ZNF469: variants seen among roughly 807,000 people sequenced by gnomAD.
The protein encoded by ZNF469 is zinc finger protein 469.
Under a neutral mutation model 1.0 loss-of-function variants are expected in ZNF469, and 1 was observed. The observed-to-expected ratio is 1.00, with a 90% confidence interval of 0.35 to 4.73. ZNF469 has a LOEUF of 4.73. Among genes scored for constraint, ZNF469 ranks in the 30% most tolerant of loss-of-function variants. The probability of loss-of-function intolerance (pLI) is 0.16; values close to 1 mark genes in which losing one functional copy is unlikely to be tolerated. For synonymous variants in ZNF469, 2,703 were observed against 2,363.4 expected, an observed-to-expected ratio of 1.14 and a Z score of -4.17; for missense variants, 6,100 against 5,356.3, an observed-to-expected ratio of 1.14 and a Z score of -4.33.
At chr16:88,250,883 GTTTT>G in the ZNF469 span, among the ~76,000 whole-genome samples, 1 of 151,988 alleles carries the variant, frequency 6.6e-6, no homozygotes, top group Non-Finnish European at 1.5e-5. Flanking sequence ...CCGTTTTGGG[GTTTT>G]TTTGTTTTGA....
chr16:88,230,593 TGAG>T, the ZNF469 span, among the ~76,000 whole-genome samples: 1 of 95,804 alleles, frequency 1.0e-5, no homozygotes, highest in African/African-American at 3.1e-5. Context: ...AACTGGGCTC[TGAG>T]CCTCCGGGGA....
the ZNF469 span, among the ~76,000 whole-genome samples, chr16:88,102,237 C>T: frequency 6.6e-6 from 1 of 152,204 alleles, no homozygotes; most frequent in Non-Finnish European, 1.5e-5. Flanking sequence ...CCATGCCAGG[C>T]CAGGCTTGGT....
At chr16:88,123,694 ATTTTATT>A in the ZNF469 span, among the ~76,000 whole-genome samples, 3 of 152,122 alleles carry the variant, frequency 2.0e-5, no homozygotes, top group East Asian at 1.9e-4. Context: ...GCGTATTATA[ATTTTATT>A]TTTTATTTTT....
At chr16:88,169,590 G>A in the ZNF469 span, among the ~76,000 whole-genome samples, 5 of 152,194 alleles carry the variant, frequency 3.3e-5, no homozygotes, top group Admixed American at 1.3e-4. This position sits in a 1 kb window ranked among gnomAD's most constrained non-coding sequence, Gnocchi z 6.1. Context: ...CACCAGCTGC[G>A]GTGGTCCATC....
chr16:88,284,736 C>T, the ZNF469 span, among the ~76,000 whole-genome samples: 7 of 152,274 alleles, frequency 4.6e-5, no homozygotes, highest in East Asian at 1.9e-4. Context: ...CCGTGGTGTG[C>T]GGCCTGCAGG....
At chr16:88,313,750 C>T in the ZNF469 span, among the ~76,000 whole-genome samples, 2 of 151,182 alleles carry the variant, frequency 1.3e-5, no homozygotes, top group Admixed American at 6.6e-5. Flanking sequence ...GTAATTCAGG[C>T]AGTGCTGCTG....
chr16:88,407,405 G>A (rs142449392), intron 1 of ZNF469, among the ~76,000 whole-genome samples: 12 of 152,342 alleles, frequency 7.9e-5, no homozygotes, highest in Non-Finnish European at 1.5e-4. Flanking sequence ...GGGATGGGGC[G>A]GACCCTCATC....
At chr16:88,165,846 C>G in the ZNF469 span, among the ~76,000 whole-genome samples, 1 of 152,216 alleles carries the variant, frequency 6.6e-6, no homozygotes. Flanking sequence ...CTCCAGGAAC[C>G]TCGCGTAAGT....
the ZNF469 span, among the ~76,000 whole-genome samples, chr16:88,311,042 G>A: frequency 1.3e-5 from 2 of 152,196 alleles, no homozygotes; most frequent in South Asian, 2.1e-4. Context: ...CGCCTCCCTC[G>A]GCTCCTCTCC....
chr16:88,399,164 C>G (rs571253499), intron 1 of ZNF469, among the ~76,000 whole-genome samples: 1 of 152,348 alleles, frequency 6.6e-6, no homozygotes, highest in East Asian at 1.9e-4. Context: ...AGGCAGCCCA[C>G]TGGGCCCAAG....
rs145813866 is a variant in ZNF469 at position 88,414,405 on chromosome 16, G to A, written c.-191-10402G>A. Among the ~76,000 whole-genome samples the A allele has an allele frequency of 2.6e-3, 393 of 152,356 alleles. 3 individuals carry two copies. The highest frequency in any genetic ancestry group is 9.0e-3 in the African/African-American group (375 of 41,580). ...GGCACCTGGAGGAGGCCACAGTCTC[G>A]TTACCTCCACCCCAAAGAGCCCTGG... On this transcript the variant is annotated intron_variant, in intron 1 of 2. Transcript: ENST00000565624.
the ZNF469 span, among the ~76,000 whole-genome samples, chr16:88,331,274 C>T: frequency 6.7e-6 from 1 of 150,022 alleles, no homozygotes; most frequent in East Asian, 1.9e-4. Context: ...CCTTCATAGT[C>T]ATCATCATCA....
chr16:88,346,714 G>T, the ZNF469 span, among the ~76,000 whole-genome samples: 3 of 152,138 alleles, frequency 2.0e-5, no homozygotes, highest in South Asian at 4.1e-4. Context: ...ATGGAGTCTC[G>T]CTATGTTGCC....
the ZNF469 span, among the ~76,000 whole-genome samples, chr16:88,209,276 T>C: frequency 1.3e-5 from 2 of 151,974 alleles, no homozygotes; most frequent in Non-Finnish European, 2.9e-5. Flanking sequence ...CCGGTGTTTC[T>C]TTTCTTTTCT....
chr16:88,341,808 G>T, the ZNF469 span, among the ~76,000 whole-genome samples: 3 of 152,182 alleles, frequency 2.0e-5, no homozygotes, highest in Non-Finnish European at 4.4e-5. Context: ...CCCAGTGGGG[G>T]CTGGGCGGGT....
chr16:88,122,308 C>G, the ZNF469 span, among the ~76,000 whole-genome samples: 2 of 151,364 alleles, frequency 1.3e-5, no homozygotes, highest in African/African-American at 2.4e-5. Flanking sequence ...CCCCTTGGAT[C>G]ACACTCTGTC....
the ZNF469 span, among the ~76,000 whole-genome samples, chr16:88,226,560 G>A: frequency 6.6e-6 from 1 of 152,124 alleles, no homozygotes; most frequent in Non-Finnish European, 1.5e-5. Flanking sequence ...AAGCTTTGCA[G>A]CACCCTAGTC....
chr16:88,141,902 G>A, the ZNF469 span, among the ~76,000 whole-genome samples: 169 of 152,310 alleles, frequency 1.1e-3, no homozygotes, highest in African/African-American at 3.8e-3. Context: ...TTTCAGCTCC[G>A]TGAGAGCCGG....
Position 88,432,726 on chromosome 16 carries a change from T to G in ZNF469, c.5256T>G (p.Asn1752Lys). ...SPDQELSFPK[N>K]KEAASSQESE... The stretch of plus-strand genomic sequence containing the variant: ...ACCAGGAACTTTCATTTCCTAAGAA[T>G]AAGGAGGCCGCCAGCTCACAAGAAA... Residue 1752 changes from asparagine (N) to lysine (K), a missense_variant, in exon 3 of 3, where the codon AAT (asparagine) becomes AAG (lysine). Coordinates refer to ENST00000565624, the MANE Select transcript of ZNF469 (RefSeq NM_001367624.2). The G allele has an allele frequency of 1.9e-6, 3 of 1,550,344 alleles. No individual in the cohort carries two copies. Among genetic ancestry groups the G allele is most frequent in the Non-Finnish European group, 2.6e-6 (3 of 1,146,970 alleles).
Sources: allele counts gnomAD v4.1 joint callset (sites outside exome capture counted in the v4.1 genomes callset), GRCh38; gene constraint gnomAD v4.1.1; non-coding constraint Gnocchi (gnomAD v3.1); transcripts MANE v1.5; gene names NCBI Gene and HGNC (gene_info 2026-07-23, HGNC 2026-07-21).